Variants in CENPT observed in about 807,000 individuals in gnomAD.
CENPT encodes the protein centromere protein T.
In CENPT, 42 loss-of-function variants were observed where a neutral mutation model predicts 59.7. That is an observed-to-expected ratio of 0.70 (90% confidence interval 0.55 to 0.91). The LOEUF is 0.91. CENPT is among the 40% of genes least tolerant of loss of function. The pLI, the probability that CENPT is intolerant of heterozygous loss-of-function variation, is 0.00. For synonymous variants in CENPT, 295 were observed against 289.6 expected, an observed-to-expected ratio of 1.02 and a Z score of -0.19; for missense variants, 716 against 713.4, an observed-to-expected ratio of 1.00 and a Z score of -0.04.
At position 67,842,432 on chromosome 16, in the gene CENPT, T is replaced by C; in HGVS notation, c.-492+4969A>G. The C allele has an allele frequency of 1.5e-6, 1 of 649,792 alleles. No individual in the cohort carries two copies. The highest frequency in any genetic ancestry group is 2.1e-6 in the Non-Finnish European group (1 of 473,080). The allele number at this position is 649,792 out of a possible 1,614,324, so 40.3% of individuals were successfully genotyped here. On this transcript the variant is annotated intron_variant, in intron 1 of 15. Coordinates refer to ENST00000562787, the MANE Select transcript of CENPT (RefSeq NM_025082.4). This position sits in a 1 kb window ranked among gnomAD's most constrained non-coding sequence, Gnocchi z 4.9. ...GCGGGCCGGCTGCGCCGAGCGGCAG[T>C]GGTGGGATACCACCCAAGGCCTCGC...
At position 67,831,830 on chromosome 16, in the gene CENPT, G is replaced by C. The variant is rs1194148288; in HGVS notation, c.447C>G (p.Ala149=). ...PPTTLAPGLL[A]PGRRKQRLRL... ...TCAGCCTCTGTTTCCTCCTGCCAGG[G>C]GCCAGCAGACCTGGAGCCAGGGTTG... The change falls in exon 8 of 16, where the codon GCC becomes GCG. Residue 149 remains alanine (A), a synonymous_variant. Coordinates refer to ENST00000562787, the MANE Select transcript of CENPT (RefSeq NM_025082.4). The C allele has an allele frequency of 6.2e-7, 1 of 1,608,348 alleles. No homozygotes were observed. Among genetic ancestry groups the C allele is most frequent in the Non-Finnish European group, 8.5e-7 (1 of 1,177,934 alleles).
At chr16:67,830,774 G>A in intron 10 of CENPT, 1 of 566,270 alleles carries the variant, frequency 1.8e-6, no homozygotes, top group African/African-American at 1.9e-5. Flanking sequence ...CCTCTGCCTG[G>A]CAGTCCCAGG....
intron 3 of CENPT, among the ~76,000 whole-genome samples, chr16:67,834,697 C>G (rs2057724295): frequency 6.6e-6 from 1 of 152,162 alleles, no homozygotes; most frequent in Non-Finnish European, 1.5e-5. Flanking sequence ...AGGAAGCAGG[C>G]TCCAAGGCTA....
At position 67,829,970 on chromosome 16, in the gene CENPT, G is replaced by A. The variant is rs777403474; in HGVS notation, c.981C>T (p.His327=). 3.1e-6 allele frequency: 5 copies of A among 1,614,008 alleles called. No individual in the cohort carries two copies. In the Admixed American group the frequency reaches 5.0e-5, roughly 16 times the overall value. ...TTTTCTCTGCCTCTTCAACTCCATC[G>A]TGTAAGGGCTCTACTTCATCTTCTC... ...VSGEDEVEPL[H]DGVEEAEKKM... is the part of the protein sequence containing the mutation. Residue 327 remains histidine, a synonymous_variant, in exon 12 of 16, where the codon CAC becomes CAT. Coordinates refer to ENST00000562787, the MANE Select transcript of CENPT (RefSeq NM_025082.4).
In CENPT at chr16:67,828,513, T is replaced by C; in HGVS notation, c.1523A>G (p.Lys508Arg). The C allele has an allele frequency of 6.2e-7, 1 of 1,614,216 alleles. No individual in the cohort carries two copies. Among genetic ancestry groups the C allele is most frequent in the Non-Finnish European group, 8.5e-7 (1 of 1,180,038 alleles). ...CTCCAGGTCCTCTGGCTTCACAGTC[T>C]TGCGGCCAGCATGAGCAGCAAATAC... Reference protein sequence around the residue: ...LEVFAAHAGRKTVKPEDLELL... With the variant: ...LEVFAAHAGRRTVKPEDLELL... The change falls in exon 15 of 16, where the codon AAG becomes AGG. Residue 508 changes from lysine (K) to arginine (R), a missense_variant. Transcript: ENST00000562787.
chr16:67,841,190 T>TA (rs1555494169), intron 1 of CENPT, among the ~76,000 whole-genome samples: 3 of 70,028 alleles, frequency 4.3e-5, no homozygotes, highest in Non-Finnish European at 4.8e-5. Context: ...TGAGACTCCT[T>TA]TACAAAAAAA....
chr16:67,841,772 G>A (rs1032088059), intron 1 of CENPT: 1 of 152,262 alleles, frequency 6.6e-6, no homozygotes, highest in African/African-American at 2.4e-5. Context: ...AGCTGAATCA[G>A]GAGAGAGTCC....
chr16:67,833,762 C>T lies in CENPT; in HGVS notation c.98G>A (p.Ser33Asn), dbSNP rs1434566206. The change falls in exon 4 of 16, where the codon AGT (serine) becomes AAT (asparagine). Residue 33 changes from serine to asparagine, a missense_variant. Transcript: ENST00000562787. ...CCCCCTCACATACCCAGCCCGAGCA[C>T]TCCGGGGTCGCCGCGGGGTGCGCGG... Reference protein sequence around the residue: ...ADPRTPRRPRSARAGARRALL... With the variant: ...ADPRTPRRPRNARAGARRALL... 7.1e-6 allele frequency: 11 copies of T among 1,555,460 alleles called. No homozygotes were observed. Among genetic ancestry groups the T allele is most frequent in the Non-Finnish European group, 9.5e-6 (11 of 1,153,354 alleles).
Position 67,834,028 on chromosome 16 carries a change from C to A in CENPT, c.-169G>T. The A allele has an allele frequency of 2.0e-6, 1 of 497,676 alleles. No individual in the cohort carries two copies. The highest frequency in any genetic ancestry group is 3.5e-6 in the Non-Finnish European group (1 of 285,792). 30.8% of individuals were successfully genotyped at this position (497,676 alleles called of 1,614,324 possible). A position where few individuals can be genotyped will look rare whatever the true frequency, so the allele number is the denominator to read the frequency against. On this transcript the variant is annotated 5_prime_UTR_variant, in exon 4 of 16. Coordinates refer to ENST00000562787, the MANE Select transcript of CENPT (RefSeq NM_025082.4). ...CAGTGATGGTTGCAAACTCCGGATG[C>A]TTTGGAGGCAGCCTCGCTGCGGGTA...
At chr16:67,831,124 A>G (rs2151284819) in intron 10 of CENPT, 92 bp downstream of exon 10, 1 of 1,564,628 alleles carries the variant, frequency 6.4e-7, no homozygotes, top group East Asian at 2.2e-5. Context: ...GACCCCACCG[A>G]GAGGGGTGCA....
chr16:67,832,270 C>T lies in CENPT; in HGVS notation c.247G>A (p.Glu83Lys), dbSNP rs2057700024. The change falls in exon 6 of 16, where the codon GAA becomes AAA. Residue 83 changes from glutamate (E) to lysine (K), a missense_variant. Transcript: ENST00000562787. ...AHIQASGHLE[E>K]QTPRTLLKNI... ...TTCAGCAGCGTCCGAGGTGTCTGTT[C>T]CTCCAAGTGCCCACTGGCCTGAATA... The T allele has an allele frequency of 8.1e-6, 13 of 1,614,200 alleles. No individual in the cohort carries two copies. The highest frequency in any genetic ancestry group is 1.1e-5 in the Non-Finnish European group (13 of 1,180,030).
Position 67,834,004 on chromosome 16 carries a change from A to G in CENPT, c.-145T>C, listed in dbSNP as rs1567370877. The G allele has an allele frequency of 5.4e-6, 3 of 555,772 alleles. No individual in the cohort carries two copies. The highest frequency in any genetic ancestry group is 4.0e-5 in the African/African-American group (2 of 50,462). The allele number at this position is 555,772 out of a possible 1,614,324, so 34.4% of individuals were successfully genotyped here. On this transcript the variant is annotated 5_prime_UTR_variant, in exon 4 of 16. Transcript: ENST00000562787. Reference sequence around the variant, plus strand: ...CACTATCGCAGCTCGCGGGGTGGACAGTGATGGTTGCAAACTCCGGATGCT... The same window carrying G: ...CACTATCGCAGCTCGCGGGGTGGACGGTGATGGTTGCAAACTCCGGATGCT...
intron 1 of CENPT, chr16:67,846,993 T>C (rs1354541558): frequency 6.6e-6 from 1 of 150,928 alleles, no homozygotes; most frequent in Non-Finnish European, 1.5e-5. Flanking sequence ...CGGGTGAGTG[T>C]CGGGGCCAGC....
chr16:67,843,492 G>T lies in CENPT; in HGVS notation c.-492+3909C>A. The T allele has an allele frequency of 6.2e-7, 1 of 1,607,746 alleles. No homozygotes were observed. Among genetic ancestry groups the T allele is most frequent in the South Asian group, 1.1e-5 (1 of 90,070 alleles). On this transcript the variant is annotated intron_variant, in intron 1 of 15. Coordinates refer to ENST00000562787, the MANE Select transcript of CENPT (RefSeq NM_025082.4). This position sits in a 1 kb window ranked among gnomAD's most constrained non-coding sequence, Gnocchi z 5.7. ...ATGGCTGTCATCCGCAAGAAGCACG[G>T]AATGTGAACTGGTGCCCCGGCAGCC...
At chr16:67,846,855 A>T (rs1256987105) in intron 1 of CENPT, 2 of 152,002 alleles carry the variant, frequency 1.3e-5, no homozygotes, top group Non-Finnish European at 2.9e-5. Flanking sequence ...CATGCCGGAA[A>T]GGGGGGGCGG....
At chr16:67,836,987 C>T (rs1459115535) in intron 1 of CENPT, among the ~76,000 whole-genome samples, 1 of 151,976 alleles carries the variant, frequency 6.6e-6, no homozygotes, top group Non-Finnish European at 1.5e-5. Context: ...GTGATCTGCC[C>T]GCCTCGGCCT....
intron 1 of CENPT, among the ~76,000 whole-genome samples, chr16:67,838,999 C>T (rs1477514136): frequency 6.6e-6 from 1 of 151,938 alleles, no homozygotes; most frequent in Non-Finnish European, 1.5e-5. Flanking sequence ...ACTTGTAATC[C>T]CAGCACTTTA....
chr16:67,842,920 A>AGCAG lies in CENPT; in HGVS notation c.-492+4480_-492+4481insCTGC, dbSNP rs2057774085. The AGCAG allele has an allele frequency of 3.2e-6, 5 of 1,579,818 alleles. No homozygotes were observed. The African/African-American group carries it at 5.6e-5, about 18-fold the overall frequency. ...AGCAGCAACAGCAGCAGCAGCAGCA[A>AGCAG]CAGCAGCAGCAGCAGCAGCAGCAGC... On this transcript the variant is annotated intron_variant, in intron 1 of 15. Coordinates refer to ENST00000562787, the MANE Select transcript of CENPT (RefSeq NM_025082.4). This position sits in a 1 kb window ranked among gnomAD's most constrained non-coding sequence, Gnocchi z 4.9.
chr16:67,829,211 C>T (rs1287596130), intron 13 of CENPT: 2 of 532,800 alleles, frequency 3.8e-6, no homozygotes, highest in Admixed American at 3.8e-5. Context: ...AAACCAACCA[C>T]ATACTTTCCC....
Sources: allele counts gnomAD v4.1 joint callset (sites outside exome capture counted in the v4.1 genomes callset), GRCh38; gene constraint gnomAD v4.1.1; non-coding constraint Gnocchi (gnomAD v3.1); transcripts MANE v1.5; gene names NCBI Gene and HGNC (gene_info 2026-07-23, HGNC 2026-07-21).